ADCK2: variants seen among roughly 807,000 people sequenced by gnomAD.
ADCK2 encodes uncharacterized aarF domain-containing protein kinase 2.
ADCK2 carries 37 observed loss-of-function variants against 52.3 expected under a neutral mutation model. The ratio of observed to expected loss-of-function variants is 0.71; its 90% CI spans 0.54 to 0.93. The LOEUF (loss-of-function observed/expected upper bound fraction) is 0.93. Ranked by LOEUF, ADCK2 falls within the 40% of genes least tolerant of loss-of-function variation. The pLI, the probability that ADCK2 is intolerant of heterozygous loss-of-function variation, is 0.00. For missense variants in ADCK2, 695 were observed against 798.7 expected (o/e 0.87, Z 1.56); for synonymous variants, 321 against 349.2 (o/e 0.92, Z 0.90).
chr7:140,685,811 C>A (rs1016757330), intron 4 of ADCK2, among the ~76,000 whole-genome samples: 1 of 152,280 alleles, frequency 6.6e-6, no homozygotes, highest in South Asian at 2.1e-4. Context: ...TCTCATCCCC[C>A]GTGGAAGGAT....
intron 4 of ADCK2, among the ~76,000 whole-genome samples, chr7:140,683,941 A>C (rs1794561663): frequency 6.6e-6 from 1 of 152,182 alleles, no homozygotes; most frequent in African/African-American, 2.4e-5. Flanking sequence ...TTCCTTGTGA[A>C]CTAAGGGGCC....
chr7:140,694,563 G>A, intron 7 of ADCK2, 100 bp from the exon 8 acceptor site: 5 of 1,206,244 alleles, frequency 4.1e-6, no homozygotes, highest in Non-Finnish European at 5.9e-6. Flanking sequence ...CCGTGGGCAG[G>A]TCTGAGGGAG....
chr7:140,685,399 C>T (rs1794588608), intron 4 of ADCK2, among the ~76,000 whole-genome samples: 1 of 151,328 alleles, frequency 6.6e-6, no homozygotes, highest in African/African-American at 2.4e-5. Flanking sequence ...GCAGTGAGCC[C>T]AGATCGCACC....
rs1440096341 is a variant in ADCK2 at position 140,673,368 on chromosome 7, T to C, written c.38T>C (p.Leu13Pro). The change falls in exon 1 of 8, where the codon CTG becomes CCG. Residue 13 changes from leucine to proline, a missense_variant. By Grantham distance (98) the Leu-to-Pro change is moderately conservative. Transcript: ENST00000072869. This position sits in a 1 kb window ranked among gnomAD's most constrained non-coding sequence, Gnocchi z 6.4. ...TGGCGCGTCTCCGTCAGGGTTTGCC[T>C]GTCGCACCTGAGGTGCTTCGAGCTC... ...APWRVSVRVC[L>P]SHLRCFELRQ... 1 of 1,502,732 alleles carries C rather than the reference T, an allele frequency of 6.7e-7. No individual in the cohort carries two copies. Among genetic ancestry groups the C allele is most frequent in the Non-Finnish European group, 8.9e-7 (1 of 1,125,486 alleles). The allele number at this position is 1,502,732 out of a possible 1,614,324, so 93.1% of individuals were successfully genotyped here. A position where few individuals can be genotyped will look rare whatever the true frequency, so the allele number is the denominator to read the frequency against.
chr7:140,679,049 G>T, intron 2 of ADCK2, 106 bp from the exon 3 acceptor site: 2 of 1,424,744 alleles, frequency 1.4e-6, no homozygotes, highest in Non-Finnish European at 1.9e-6. Context: ...GCAAGCTGGT[G>T]GGGAAGGTGG....
Position 140,681,705 on chromosome 7 carries a change from C to T in ADCK2, c.1305+568C>T, listed in dbSNP as rs1423539818. 3.3e-5 allele frequency among the ~76,000 whole-genome samples: 5 copies of T among 151,788 alleles called. 1 individual carries two copies. Among genetic ancestry groups the T allele is most frequent in the South Asian group, 4.2e-4 (2 of 4,814 alleles). On this transcript the variant is annotated intron_variant, in intron 4 of 7. Coordinates refer to ENST00000072869, the MANE Select transcript of ADCK2 (RefSeq NM_052853.4). The stretch of plus-strand genomic sequence containing the variant: ...AAATCTCCATGAACTACAGCCTCAA[C>T]CTCTTGGGCTCAAGTGATCCTGCCT...
chr7:140,677,028 A>G (rs921149585), intron 2 of ADCK2, among the ~76,000 whole-genome samples: 4 of 147,074 alleles, frequency 2.7e-5, no homozygotes, highest in Non-Finnish European at 6.1e-5. Context: ...ATCTCAAACA[A>G]ACAAACAAAC....
In ADCK2 at chr7:140,686,953, G is replaced by T. The variant is rs1185201971; in HGVS notation, c.1306-37G>T. 1.4e-5 allele frequency: 22 copies of T among 1,600,746 alleles called. No individual in the cohort carries two copies. The Admixed American group carries it at 3.5e-4, about 26-fold the overall frequency. Reference sequence around the variant, plus strand: ...TCTCTGTAGGTTGGTGGTGCTCTAGGGGCGACTCACTCATGAGCATTGTGA... The same window carrying T: ...TCTCTGTAGGTTGGTGGTGCTCTAGTGGCGACTCACTCATGAGCATTGTGA... On this transcript the variant is annotated intron_variant, in intron 4 of 7. Coordinates refer to ENST00000072869, the MANE Select transcript of ADCK2 (RefSeq NM_052853.4).
intron 7 of ADCK2, among the ~76,000 whole-genome samples, chr7:140,691,913 T>G (rs2130793458): frequency 6.6e-6 from 1 of 152,256 alleles, no homozygotes; most frequent in African/African-American, 2.4e-5. Context: ...CCACACAGTT[T>G]CCAGCACGGT....
rs765664458 is a variant in ADCK2, at chr7:140,674,275, G to A, written c.933+12G>A. On this transcript the variant is annotated intron_variant, in intron 1 of 7. Coordinates refer to ENST00000072869, the MANE Select transcript of ADCK2 (RefSeq NM_052853.4). This position sits in a 1 kb window ranked among gnomAD's most constrained non-coding sequence, Gnocchi z 4.6. ...CCGTGGCAGTGAAAGTAAGTGTTGT[G>A]AGAGCTCACAGCTCACCTACCCACT... 9 of 1,602,744 alleles carry A rather than the reference G, an allele frequency of 5.6e-6. No individual in the cohort carries two copies. The highest frequency in any genetic ancestry group is 7.7e-6 in the Non-Finnish European group (9 of 1,173,886).
intron 7 of ADCK2, among the ~76,000 whole-genome samples, chr7:140,692,603 C>A (rs1407439421): frequency 1.3e-5 from 2 of 152,244 alleles, no homozygotes; most frequent in Non-Finnish European, 2.9e-5. Context: ...AAGTGATCCA[C>A]CTGCCTTGGC....
Position 140,674,470 on chromosome 7 carries a change from A to T in ADCK2, c.934-141A>T. 1 of 1,175,084 alleles carries T rather than the reference A, an allele frequency of 8.5e-7. No homozygotes were observed. Among genetic ancestry groups the T allele is most frequent in the Non-Finnish European group, 1.2e-6 (1 of 856,456 alleles). 72.8% of individuals were successfully genotyped at this position (1,175,084 alleles called of 1,614,324 possible). On this transcript the variant is annotated intron_variant, in intron 1 of 7. Coordinates refer to ENST00000072869, the MANE Select transcript of ADCK2 (RefSeq NM_052853.4). The surrounding 1 kb of genome is among the most constrained non-coding windows in gnomAD (Gnocchi z 4.6). ...AAATGAACTGAGTCTGGAGTGAACT[A>T]ACTGCTTGGGTGTCGGGACCACATC...
intron 4 of ADCK2, among the ~76,000 whole-genome samples, chr7:140,686,231 T>C (rs188931614): frequency 6.6e-6 from 1 of 152,356 alleles, no homozygotes; most frequent in Admixed American, 6.5e-5. Context: ...AAATAAGGCA[T>C]TTCAAATGCA....
Position 140,673,460 on chromosome 7 carries a change from CTGG to C in ADCK2, c.131_133del (p.Leu44_Gly45delinsArg), listed in dbSNP as rs747619535. The C allele has an allele frequency of 6.2e-7, 1 of 1,608,954 alleles. No homozygotes were observed. ...CGATGCCAGGCTCTGCTGGCTTCTG[CTGG>C]GCACTTTGCCCAAGGTCGTCTCCCT... On this transcript the variant is annotated inframe_deletion, in exon 1 of 8. Coordinates refer to ENST00000072869, the MANE Select transcript of ADCK2 (RefSeq NM_052853.4). This position sits in a 1 kb window ranked among gnomAD's most constrained non-coding sequence, Gnocchi z 6.4.
At chr7:140,692,110 T>C (rs1193813967) in intron 7 of ADCK2, among the ~76,000 whole-genome samples, 2 of 152,190 alleles carry the variant, frequency 1.3e-5, no homozygotes, top group Non-Finnish European at 2.9e-5. Flanking sequence ...TCCAGATGCA[T>C]AGTGTTAGCA....
rs1472841690 is a variant in ADCK2, at chr7:140,673,685, C to T, written c.355C>T (p.Leu119Phe). ...KFFPLLLLYPLTYLAPSVSTL... is the reference protein window; with the variant it reads ...KFFPLLLLYPFTYLAPSVSTL... Reference sequence around the variant, plus strand: ...CTTCCCCCTCCTACTCCTCTACCCCCTCACCTACCTGGCTCCCAGCGTCTC... The same window carrying T: ...CTTCCCCCTCCTACTCCTCTACCCCTTCACCTACCTGGCTCCCAGCGTCTC... Residue 119 changes from leucine (L) to phenylalanine (F), a missense_variant, in exon 1 of 8, where the codon CTC (leucine) becomes TTC (phenylalanine). Leu to Phe is a conservative substitution (Grantham distance 22). Coordinates refer to ENST00000072869, the MANE Select transcript of ADCK2 (RefSeq NM_052853.4). This position sits in a 1 kb window ranked among gnomAD's most constrained non-coding sequence, Gnocchi z 6.4. 6.2e-7 allele frequency: 1 copy of T among 1,611,758 alleles called. No individual in the cohort carries two copies. Among genetic ancestry groups the T allele is most frequent in the Non-Finnish European group, 8.5e-7 (1 of 1,179,918 alleles).
chr7:140,675,986 T>C (rs1794407051), intron 2 of ADCK2, among the ~76,000 whole-genome samples: 1 of 152,210 alleles, frequency 6.6e-6, no homozygotes. Flanking sequence ...GAGTATTTGT[T>C]TGGAGGCTCT....
chr7:140,683,014 A>C (rs1398870144), intron 4 of ADCK2, among the ~76,000 whole-genome samples: 1 of 149,764 alleles, frequency 6.7e-6, no homozygotes, highest in Non-Finnish European at 1.5e-5. Flanking sequence ...AAAAAAAAAA[A>C]AAAAAAAGCC....
At chr7:140,679,660 CTCTTTT>C (rs1794481912) in intron 3 of ADCK2, among the ~76,000 whole-genome samples, 1 of 135,966 alleles carries the variant, frequency 7.4e-6, no homozygotes, top group Non-Finnish European at 1.6e-5. Context: ...AGCCTTCTCT[CTCTTTT>C]TTTTTTTTTT....
Sources: allele counts gnomAD v4.1 joint callset (sites outside exome capture counted in the v4.1 genomes callset), GRCh38; gene constraint gnomAD v4.1.1; non-coding constraint Gnocchi (gnomAD v3.1); transcripts MANE v1.5; gene names NCBI Gene and HGNC (gene_info 2026-07-23, HGNC 2026-07-21).